KCMF1: variants seen among roughly 807,000 people sequenced by gnomAD.
The protein encoded by KCMF1 is E3 ubiquitin-protein ligase KCMF1.
In KCMF1, 3 loss-of-function variants were observed where a neutral mutation model predicts 41.1. That is an observed-to-expected ratio of 0.07 (90% CI 0.03 to 0.19). The LOEUF (loss-of-function observed/expected upper bound fraction) is 0.19. KCMF1 is among the 10% of genes least tolerant of loss of function. The pLI, the probability that KCMF1 is intolerant of heterozygous loss-of-function variation, is 1.00. For synonymous variants in KCMF1, 142 were observed against 164.5 expected (o/e 0.86, Z 1.04); for missense variants, 286 against 488.9 (o/e 0.58, Z 3.91).
intron 2 of KCMF1, among the ~76,000 whole-genome samples, chr2:85,031,214 A>C (rs1675259506): frequency 6.6e-6 from 1 of 152,238 alleles, no homozygotes; most frequent in African/African-American, 2.4e-5. Flanking sequence ...GAATCGGTAG[A>C]TTAGTTTGGA....
intron 1 of KCMF1, among the ~76,000 whole-genome samples, chr2:84,988,369 T>G (rs1439265083): frequency 6.6e-6 from 1 of 152,234 alleles, no homozygotes; most frequent in Non-Finnish European, 1.5e-5. Flanking sequence ...TGCCAGGCAC[T>G]GTTGTAAGCA....
Position 85,041,207 on chromosome 2 carries a change from A to C in KCMF1, c.325-2357A>C, listed in dbSNP as rs113193691. Among the ~76,000 whole-genome samples the C allele has an allele frequency of 6.4e-3, 970 of 152,292 alleles. 10 individuals are homozygous for C. The highest frequency in any genetic ancestry group is 0.022 in the African/African-American group (930 of 41,564). On this transcript the variant is annotated intron_variant, in intron 3 of 6. Transcript: ENST00000409785. ...TTTTATATTATTTCTCTTTGAATGA[A>C]GCAGTTCTGAATACCTTCATCCTGC...
In KCMF1 at chr2:85,014,718, TGCGTGC is replaced by T. The variant is rs1194724037; in HGVS notation, c.17-13169_17-13164del. 4.2e-5 allele frequency among the ~76,000 whole-genome samples: 6 copies of T among 142,464 alleles called. No homozygotes were observed. The East Asian group carries it at 1.1e-3, about 27-fold the overall frequency. 93.5% of individuals were successfully genotyped at this position (142,464 alleles called of 152,430 possible). The stretch of plus-strand genomic sequence containing the variant: ...AAATACTGGCGCGCGCGTGCGTGCG[TGCGTGC>T]GTGTGTGTGTGTGTGTGTGTGTGTT... On this transcript the variant is annotated intron_variant, in intron 1 of 6. Coordinates refer to ENST00000409785, the MANE Select transcript of KCMF1 (RefSeq NM_020122.5).
chr2:85,006,653 G>T (rs1016682056), intron 1 of KCMF1, among the ~76,000 whole-genome samples: 77 of 151,762 alleles, frequency 5.1e-4, no homozygotes, highest in African/African-American at 1.8e-3. Context: ...AATAATATTT[G>T]CCATTTTAAA....
chr2:85,049,340 T>TTA (rs1276514531), intron 5 of KCMF1, 26 bp from the exon 6 acceptor site: 4 of 1,608,176 alleles, frequency 2.5e-6, no homozygotes, highest in Admixed American at 3.3e-5. Flanking sequence ...TAAGCAGACA[T>TTA]TAATTGTCTT....
Position 84,971,391 on chromosome 2 carries a change from C to A in KCMF1, c.-61C>A, listed in dbSNP as rs1673388356. 1.8e-6 allele frequency: 2 copies of A among 1,100,248 alleles called. No individual in the cohort carries two copies. Among genetic ancestry groups the A allele is most frequent in the Non-Finnish European group, 2.2e-6 (2 of 898,516 alleles). 68.2% of individuals were successfully genotyped at this position (1,100,248 alleles called of 1,614,324 possible). A position where few individuals can be genotyped will look rare whatever the true frequency, so the allele number is the denominator to read the frequency against. ...CGGCCGGCGCGGGCAGCGCCGGGAC[C>A]CCGCGGGGGACACTGCAGCCGGAGC... On this transcript the variant is annotated 5_prime_UTR_variant, in exon 1 of 7. Coordinates refer to ENST00000409785, the MANE Select transcript of KCMF1 (RefSeq NM_020122.5).
Position 84,981,866 on chromosome 2 carries a change from G to A in KCMF1, c.16+10399G>A, listed in dbSNP as rs534216759. On this transcript the variant is annotated intron_variant, in intron 1 of 6. Transcript: ENST00000409785. The stretch of plus-strand genomic sequence containing the variant: ...CAGTATCAGCTCAGCTGCAGCCTCC[G>A]CCTCCTGGGTTCAAATGATTCTCCT... Among the ~76,000 whole-genome samples, 13 of 152,084 alleles carry A rather than the reference G, an allele frequency of 8.5e-5. No homozygotes were observed. The South Asian group carries it at 2.1e-3, about 24-fold the overall frequency.
At chr2:84,979,048 A>G (rs1372438245) in intron 1 of KCMF1, among the ~76,000 whole-genome samples, 1 of 151,830 alleles carries the variant, frequency 6.6e-6, no homozygotes, top group Admixed American at 6.6e-5. Flanking sequence ...GGATTTCACC[A>G]TATTGGCCAG....
Position 84,971,427 on chromosome 2 carries a change from C to G in KCMF1, c.-25C>G. ...CACTGCAGCCGGAGCCCGGGAGGGGCCGCGCCGCCACCGTCTGAACTAGGA... is the reference window on the plus strand; with the variant it reads ...CACTGCAGCCGGAGCCCGGGAGGGGGCGCGCCGCCACCGTCTGAACTAGGA... On this transcript the variant is annotated 5_prime_UTR_variant, in exon 1 of 7. Transcript: ENST00000409785. 2 of 1,240,058 alleles carry G rather than the reference C, an allele frequency of 1.6e-6. No homozygotes were observed. Among genetic ancestry groups the G allele is most frequent in the South Asian group, 2.0e-5 (1 of 49,644 alleles). The allele number at this position is 1,240,058 out of a possible 1,614,324, so 76.8% of individuals were successfully genotyped here.
chr2:85,049,355 T>G lies in KCMF1; in HGVS notation c.602-11T>G. 6.2e-7 allele frequency: 1 copy of G among 1,610,670 alleles called. No homozygotes were observed. Among genetic ancestry groups the G allele is most frequent in the Non-Finnish European group, 8.5e-7 (1 of 1,177,044 alleles). ...TAAGCAGACATTAATTGTCTTCATT[T>G]CCATTGGCAGAGCTTTTATCTCAGT... On this transcript the variant is annotated splice_polypyrimidine_tract_variant and intron_variant, in intron 5 of 6. Coordinates refer to ENST00000409785, the MANE Select transcript of KCMF1 (RefSeq NM_020122.5).
intron 1 of KCMF1, among the ~76,000 whole-genome samples, chr2:84,978,032 T>C (rs1407614410): frequency 6.6e-6 from 1 of 151,986 alleles, no homozygotes; most frequent in Non-Finnish European, 1.5e-5. Context: ...TTCCTCGCTC[T>C]TGTTGCCCAG....
chr2:85,037,468 G>GT (rs548918919), intron 3 of KCMF1, among the ~76,000 whole-genome samples: 19 of 152,274 alleles, frequency 1.2e-4, no homozygotes, highest in African/African-American at 4.1e-4. Context: ...CATACCAGTT[G>GT]TTAAGTGTTT....
intron 3 of KCMF1, 73 bp from the exon 4 acceptor site, chr2:85,043,491 A>G: frequency 1.2e-6 from 1 of 846,494 alleles, no homozygotes; most frequent in Non-Finnish European, 2.0e-6. Context: ...TAAAACTTAC[A>G]GCAGAATACT....
At chr2:85,047,220 A>T (rs904248456) in intron 5 of KCMF1, among the ~76,000 whole-genome samples, 2 of 152,234 alleles carry the variant, frequency 1.3e-5, no homozygotes, top group African/African-American at 4.8e-5. Context: ...ATCATAAAAG[A>T]TTTCAACTTG....
intron 3 of KCMF1, among the ~76,000 whole-genome samples, chr2:85,042,632 CCTTT>C (rs756659183): frequency 1.3e-5 from 2 of 152,154 alleles, no homozygotes; most frequent in Non-Finnish European, 2.9e-5. Context: ...TTGCTTCAGA[CCTTT>C]CTTCTTGGCC....
At chr2:85,046,805 C>G (rs192370893) in intron 5 of KCMF1, among the ~76,000 whole-genome samples, 22 of 152,144 alleles carry the variant, frequency 1.4e-4, no homozygotes, top group Admixed American at 1.0e-3. Context: ...GTCCAGTAGT[C>G]CCCCCGTCAT....
intron 1 of KCMF1, among the ~76,000 whole-genome samples, chr2:85,021,863 C>G (rs1674952502): frequency 6.6e-6 from 1 of 152,098 alleles, no homozygotes. Flanking sequence ...GTTCCCCAGG[C>G]TGAAGTACAA....
rs1675910143 is a variant in KCMF1, at chr2:85,055,687, T to C, written c.*2278T>C. 6.6e-6 allele frequency: 1 copy of C among 152,206 alleles called. No homozygotes were observed. Among genetic ancestry groups the C allele is most frequent in the Non-Finnish European group, 1.5e-5 (1 of 68,026 alleles). The allele number at this position is 152,206 out of a possible 1,614,324, so 9.4% of individuals were successfully genotyped here. A position where few individuals can be genotyped will look rare whatever the true frequency, so the allele number is the denominator to read the frequency against. On this transcript the variant is annotated 3_prime_UTR_variant, in exon 7 of 7. Transcript: ENST00000409785. ...GACACAGAATATCAATATAAAAATA[T>C]ATTCAAGCCCTTGAAATTCTTGTGT...
chr2:84,985,402 A>G (rs1673875944), intron 1 of KCMF1, among the ~76,000 whole-genome samples: 1 of 152,216 alleles, frequency 6.6e-6, no homozygotes, highest in Non-Finnish European at 1.5e-5. Flanking sequence ...ATTTCTTTAC[A>G]AACTTTCCCT....
Sources: allele counts gnomAD v4.1 joint callset (sites outside exome capture counted in the v4.1 genomes callset), GRCh38; gene constraint gnomAD v4.1.1; transcripts MANE v1.5; gene names NCBI Gene and HGNC (gene_info 2026-07-23, HGNC 2026-07-21).